Variants in LGR4 observed in about 807,000 individuals in gnomAD.
LGR4 encodes leucine rich repeat containing G protein-coupled receptor 4, also known as leucine-rich repeat-containing G protein-coupled receptor 4.
LGR4 carries 44 observed loss-of-function variants against 84.8 expected under a neutral mutation model. The observed-to-expected ratio is 0.52, with a 90% CI of 0.41 to 0.67. The LOEUF is 0.67. Among genes scored for constraint, LGR4 ranks in the 30% least tolerant of loss-of-function variants. LGR4 has a pLI of 0.00. For synonymous variants in LGR4, 429 were observed against 434.3 expected (o/e 0.99, Z 0.15); for missense variants, 1,032 against 1,131.4 (o/e 0.91, Z 1.26).
rs1355198077 is a variant in LGR4, at chr11:27,372,392, T to C, written c.1386A>G (p.Leu462=). The C allele has an allele frequency of 1.3e-6, 2 of 1,598,236 alleles. No individual in the cohort carries two copies. Among genetic ancestry groups the C allele is most frequent in the East Asian group, 2.2e-5 (1 of 44,788 alleles). ...AAKDFVNLRS[L]SVPYAYQCCA... ...AGCACTGATAAGCATATGGTACTGA[T>C]AAAGACCTGGAAAAAAAAGTTGTAA... Residue 462 remains leucine (L), a synonymous_variant, in exon 16 of 18, where the codon TTA becomes TTG. Coordinates refer to ENST00000379214, the MANE Select transcript of LGR4 (RefSeq NM_018490.5).
chr11:27,453,078 T>C (rs910545944), intron 1 of LGR4, among the ~76,000 whole-genome samples: 1 of 150,624 alleles, frequency 6.6e-6, no homozygotes, highest in Non-Finnish European at 1.5e-5. Flanking sequence ...GGGAGAAACC[T>C]TTTTTTTTGA....
At chr11:27,415,985 C>T (rs1863809023) in intron 1 of LGR4, among the ~76,000 whole-genome samples, 1 of 151,974 alleles carries the variant, frequency 6.6e-6, no homozygotes, top group African/African-American at 2.4e-5. Context: ...ATATATGAGG[C>T]TCAAAAGCCA....
chr11:27,425,338 G>GTT (rs59946931), intron 1 of LGR4, among the ~76,000 whole-genome samples: 13,000 of 136,708 alleles, frequency 0.095, 764 homozygotes, highest in African/African-American at 0.17. Flanking sequence ...TTTTTTTTTT[G>GTT]TTTTTTTTTT....
intron 1 of LGR4, among the ~76,000 whole-genome samples, chr11:27,434,941 T>C (rs10767642): frequency 0.71 from 107,357 of 151,904 alleles, 38,053 homozygotes; most frequent in South Asian, 0.83. Flanking sequence ...TTAAAAATCA[T>C]GACAATACCC....
chr11:27,380,244 A>T, intron 10 of LGR4, 27 bp downstream of exon 10: 1 of 1,473,952 alleles, frequency 6.8e-7, no homozygotes, highest in Non-Finnish European at 9.4e-7. Context: ...ATCTTTATAC[A>T]ACCCCTCTTC....
At chr11:27,467,357 G>A (rs1222135548) in intron 1 of LGR4, among the ~76,000 whole-genome samples, 1 of 151,936 alleles carries the variant, frequency 6.6e-6, no homozygotes, top group Non-Finnish European at 1.5e-5. Flanking sequence ...CACGAGGTCA[G>A]GAATTCAAGA....
chr11:27,395,182 C>T (rs190212800), intron 2 of LGR4, among the ~76,000 whole-genome samples: 1 of 152,202 alleles, frequency 6.6e-6, no homozygotes, highest in South Asian at 2.1e-4. Flanking sequence ...CCTCAGATAG[C>T]CCTGTGACTG....
intron 1 of LGR4, among the ~76,000 whole-genome samples, chr11:27,459,503 G>A (rs1864640931): frequency 6.6e-6 from 1 of 150,706 alleles, no homozygotes; most frequent in South Asian, 2.1e-4. Context: ...TTGAGACAGA[G>A]TCTTGCTCCG....
intron 1 of LGR4, among the ~76,000 whole-genome samples, chr11:27,418,529 TC>T (rs1393273147): frequency 6.6e-6 from 1 of 152,174 alleles, no homozygotes; most frequent in African/African-American, 2.4e-5. Flanking sequence ...GCTGAGTACT[TC>T]CCAGCAAGAG....
chr11:27,391,612 A>AT (rs1176018320), intron 3 of LGR4, among the ~76,000 whole-genome samples: 2 of 152,214 alleles, frequency 1.3e-5, no homozygotes, highest in African/African-American at 4.8e-5. Flanking sequence ...GGTAAAGCCA[A>AT]TTTTTTCAAG....
chr11:27,416,738 C>T (rs1863827181), intron 1 of LGR4, among the ~76,000 whole-genome samples: 1 of 152,140 alleles, frequency 6.6e-6, no homozygotes. Context: ...AAGCACATCA[C>T]CTTCCTAGAA....
intron 2 of LGR4, among the ~76,000 whole-genome samples, chr11:27,399,355 G>A (rs976027570): frequency 6.6e-6 from 1 of 152,142 alleles, no homozygotes; most frequent in African/African-American, 2.4e-5. Context: ...TGCCGCATAT[G>A]TGTAAAGAAC....
intron 13 of LGR4, among the ~76,000 whole-genome samples, chr11:27,374,286 G>A (rs1315847619): frequency 6.6e-6 from 1 of 152,096 alleles, no homozygotes; most frequent in Non-Finnish European, 1.5e-5. Flanking sequence ...TTTCAAAACA[G>A]GTGTGAATTT....
chr11:27,391,208 C>T (rs1863278933), intron 3 of LGR4, 43 bp from the exon 4 acceptor site: 1 of 936,744 alleles, frequency 1.1e-6, no homozygotes, highest in African/African-American at 1.7e-5. Flanking sequence ...GTGATAGTTA[C>T]CATTTTTTCT....
At chr11:27,383,831 T>C (rs1332282364) in intron 6 of LGR4, among the ~76,000 whole-genome samples, 1 of 152,198 alleles carries the variant, frequency 6.6e-6, no homozygotes, top group African/African-American at 2.4e-5. Flanking sequence ...AGTGGTGCAA[T>C]GTACAGTTGA....
intron 1 of LGR4, among the ~76,000 whole-genome samples, chr11:27,432,990 G>A (rs1289638989): frequency 6.6e-6 from 1 of 152,160 alleles, no homozygotes; most frequent in African/African-American, 2.4e-5. Context: ...ATGGCAACAT[G>A]ACAAATTTTA....
At chr11:27,392,393 A>C (rs1204467971) in intron 3 of LGR4, 54 bp downstream of exon 3, 1 of 1,355,362 alleles carries the variant, frequency 7.4e-7, no homozygotes, top group African/African-American at 1.5e-5. Context: ...CATGTTGACT[A>C]CGCAGAAAGA....
chr11:27,437,123 C>A (rs1864225407), intron 1 of LGR4, among the ~76,000 whole-genome samples: 2 of 152,146 alleles, frequency 1.3e-5, no homozygotes, highest in South Asian at 4.1e-4. Flanking sequence ...GGCCAGCAGG[C>A]TAAAAAGCTT....
At chr11:27,372,468 A>C (rs752603230) in intron 15 of LGR4, 70 bp from the exon 16 acceptor site, 3 of 944,114 alleles carry the variant, frequency 3.2e-6, no homozygotes, top group African/African-American at 1.6e-5. Flanking sequence ...TTGTAAAAGT[A>C]TTTTAAACTT....
Sources: gnomAD v4.1 joint callset for allele counts (sites outside exome capture counted in the v4.1 genomes callset) on GRCh38, gnomAD v4.1.1 for gene constraint, MANE v1.5 for transcripts, NCBI Gene and HGNC (gene_info 2026-07-23, HGNC 2026-07-21) for gene names.